Variants in CEP162 observed in about 807,000 individuals in gnomAD.
The protein encoded by CEP162 is centrosomal protein 162, also known as centrosomal protein of 162 kDa.
CEP162 carries 141 observed loss-of-function variants against 169.2 expected under a neutral mutation model. The observed-to-expected ratio is 0.83, with a 90% CI of 0.73 to 0.96. The LOEUF is 0.96. Among genes scored for constraint, CEP162 ranks in the 40% least tolerant of loss-of-function variants. The probability of loss-of-function intolerance (pLI) is 0.00; values close to 1 mark genes in which losing one functional copy is unlikely to be tolerated. For missense variants in CEP162, 1,600 were observed against 1,587.2 expected (o/e 1.01, Z -0.14); for synonymous variants, 540 against 526.4 (o/e 1.03, Z -0.35).
At chr6:84,143,628 GAGAGAA>G (rs1262506131) in intron 25 of CEP162, among the ~76,000 whole-genome samples, 1 of 150,736 alleles carries the variant, frequency 6.6e-6, no homozygotes, top group Non-Finnish European at 1.5e-5. Context: ...TGCAGAAGGA[GAGAGAA>G]AGAGAAAGTG....
chr6:84,154,312 A>ATATCTATC (rs3837002), intron 22 of CEP162, among the ~76,000 whole-genome samples: 8 of 149,994 alleles, frequency 5.3e-5, no homozygotes, highest in African/African-American at 2.0e-4. Flanking sequence ...GTTATCAGGG[A>ATATCTATC]TATCTATCTA....
At chr6:84,205,299 C>G (rs1265949301) in intron 6 of CEP162, among the ~76,000 whole-genome samples, 5 of 152,176 alleles carry the variant, frequency 3.3e-5, no homozygotes. Context: ...GACCAATATC[C>G]CTGATGAACA....
At chr6:84,204,788 G>C (rs1362914877) in intron 6 of CEP162, among the ~76,000 whole-genome samples, 1 of 152,106 alleles carries the variant, frequency 6.6e-6, no homozygotes, top group Non-Finnish European at 1.5e-5. Flanking sequence ...ATGAATCCAG[G>C]AGCTGGTTTT....
chr6:84,165,986 T>C (rs2099527658), intron 18 of CEP162, among the ~76,000 whole-genome samples: 1 of 152,124 alleles, frequency 6.6e-6, no homozygotes, highest in Non-Finnish European at 1.5e-5. Context: ...TTTAGAAAAG[T>C]TATCTATTAG....
rs754388387 is a variant in CEP162 at position 84,171,689 on chromosome 6, T to C, written c.2196A>G (p.Lys732=). The C allele has an allele frequency of 1.8e-5, 27 of 1,517,840 alleles. No individual in the cohort carries two copies. Among genetic ancestry groups the C allele is most frequent in the Admixed American group, 2.3e-5 (1 of 43,582 alleles). The allele number at this position is 1,517,840 out of a possible 1,614,324, so 94.0% of individuals were successfully genotyped here. A position where few individuals can be genotyped will look rare whatever the true frequency, so the allele number is the denominator to read the frequency against. The change falls in exon 17 of 27, where the codon AAA becomes AAG. Residue 732 remains lysine (K), a synonymous_variant. Coordinates refer to ENST00000403245, the MANE Select transcript of CEP162 (RefSeq NM_014895.4). ...TTTTCTTGTTTTGTTCTTGGAGATC[T>C]TTTACTTGATTATATAATCGTTCAT... The part of the protein sequence containing the change: ...QENERLYNQV[K]DLQEQNKKNE...
intron 10 of CEP162, among the ~76,000 whole-genome samples, chr6:84,194,565 T>C (rs1173035316): frequency 1.3e-5 from 2 of 151,980 alleles, no homozygotes; most frequent in Non-Finnish European, 2.9e-5. Context: ...GTGATTCTCC[T>C]GCCTCAGGCT....
At chr6:84,193,458 TTGAG>T (rs753693573) in intron 11 of CEP162, 147 bp downstream of exon 11, 264 of 453,128 alleles carry the variant, frequency 5.8e-4, no homozygotes, top group Non-Finnish European at 9.1e-4. Flanking sequence ...TTTTGATGAC[TTGAG>T]TAAGGACAAA....
At chr6:84,191,722 C>T (rs528127509) in intron 11 of CEP162, among the ~76,000 whole-genome samples, 1 of 152,200 alleles carries the variant, frequency 6.6e-6, no homozygotes, top group East Asian at 1.9e-4. Flanking sequence ...GGGCTGCCTG[C>T]TTGGGGAAGG....
chr6:84,128,267 C>A (rs1395697382), intron 25 of CEP162, among the ~76,000 whole-genome samples: 4 of 151,944 alleles, frequency 2.6e-5, no homozygotes, highest in Admixed American at 6.6e-5. Flanking sequence ...CCTAAAAGAA[C>A]CTTTAAGAAT....
intron 2 of CEP162, among the ~76,000 whole-genome samples, chr6:84,224,519 A>G (rs899691212): frequency 2.0e-5 from 3 of 152,204 alleles, no homozygotes; most frequent in Admixed American, 6.5e-5. Flanking sequence ...AAATGGGTGA[A>G]TTAAATGGTA....
intron 13 of CEP162, among the ~76,000 whole-genome samples, chr6:84,176,896 T>A (rs1442937336): frequency 6.6e-6 from 1 of 150,782 alleles, no homozygotes; most frequent in African/African-American, 2.4e-5. Flanking sequence ...TTATTTTAAT[T>A]TTTTTTTTTG....
chr6:84,158,792 A>T (rs1196204474), intron 21 of CEP162, among the ~76,000 whole-genome samples: 2 of 152,086 alleles, frequency 1.3e-5, no homozygotes, highest in East Asian at 3.8e-4. Context: ...AATATTTTCA[A>T]TCTGATTTTG....
At chr6:84,158,331 G>C (rs2099524053) in intron 21 of CEP162, among the ~76,000 whole-genome samples, 1 of 152,116 alleles carries the variant, frequency 6.6e-6, no homozygotes, top group Non-Finnish European at 1.5e-5. Context: ...GGTAACAGTA[G>C]CAATTTCAAA....
rs780046675 is a variant in CEP162 at position 84,152,760 on chromosome 6, A to G, written c.3414T>C (p.Asp1138=). The G allele has an allele frequency of 4.3e-6, 7 of 1,613,448 alleles. No homozygotes were observed. Among genetic ancestry groups the G allele is most frequent in the Non-Finnish European group, 5.9e-6 (7 of 1,179,704 alleles). ...CATTTCCTTTACTTGAGTGCAAAACATCTTTCTTTGCCCTTTTGGCAGACA... is the reference window on the plus strand; with the variant it reads ...CATTTCCTTTACTTGAGTGCAAAACGTCTTTCTTTGCCCTTTTGGCAGACA... ...EEMSAKRAKK[D]VLHSSKGNAN... is the part of the protein sequence containing the mutation. The change falls in exon 23 of 27, where the codon GAT becomes GAC. Residue 1138 remains aspartate, a synonymous_variant. Transcript: ENST00000403245.
chr6:84,174,402 C>A (rs544140596), intron 15 of CEP162, among the ~76,000 whole-genome samples: 1 of 152,244 alleles, frequency 6.6e-6, no homozygotes, highest in East Asian at 1.9e-4. Flanking sequence ...ACAATGTCAT[C>A]CTCTGGGTCT....
At chr6:84,206,868 T>G (rs2099547369) in intron 6 of CEP162, among the ~76,000 whole-genome samples, 3 of 151,960 alleles carry the variant, frequency 2.0e-5, no homozygotes, top group Admixed American at 6.6e-5. Context: ...TCAAACAAAT[T>G]TATAAGAAAA....
intron 1 of CEP162, 25 bp from the exon 2 acceptor site, chr6:84,226,477 CTT>C: frequency 1.0e-6 from 1 of 978,448 alleles, no homozygotes; most frequent in Middle Eastern, 2.4e-4. Flanking sequence ...ACATAAACAT[CTT>C]TTGAGGAAAT....
chr6:84,143,663 G>T (rs2099517642), intron 25 of CEP162, among the ~76,000 whole-genome samples: 1 of 151,964 alleles, frequency 6.6e-6, no homozygotes, highest in Non-Finnish European at 1.5e-5. Flanking sequence ...CGAATATCTT[G>T]TGTGTCTAAG....
chr6:84,208,286 C>T (rs1449553154), intron 6 of CEP162, among the ~76,000 whole-genome samples: 1 of 151,926 alleles, frequency 6.6e-6, no homozygotes, highest in East Asian at 1.9e-4. Flanking sequence ...GGATCTCTTC[C>T]TCAATTTTTA....
Sources: gnomAD v4.1 joint callset for allele counts (sites outside exome capture counted in the v4.1 genomes callset) on GRCh38, gnomAD v4.1.1 for gene constraint, MANE v1.5 for transcripts, NCBI Gene and HGNC (gene_info 2026-07-23, HGNC 2026-07-21) for gene names.